COBL: variants seen among roughly 807,000 people sequenced by gnomAD.
COBL encodes cordon-bleu WH2 repeat protein.
Under a neutral mutation model 98.8 loss-of-function variants are expected in COBL, and 51 were observed. That is an observed-to-expected ratio of 0.52 (90% confidence interval 0.41 to 0.65). The LOEUF (loss-of-function observed/expected upper bound fraction) is 0.65, where lower values mean the gene tolerates loss of function less well. COBL is among the 30% of genes least tolerant of loss of function. The pLI is 0.00. For synonymous variants in COBL, 634 were observed against 651.7 expected (o/e 0.97, Z 0.41); for missense variants, 1,617 against 1,617.5 (o/e 1.00, Z 0.01).
At chr7:51,085,380 G>A in intron 6 of COBL, 76 bp from the exon 7 acceptor site, 2 of 1,401,720 alleles carry the variant, frequency 1.4e-6, no homozygotes, top group Non-Finnish European at 1.9e-6. Flanking sequence ...GTATTAGGGT[G>A]ATTGTGCTGG....
At chr7:51,195,601 T>C (rs1790518612) in intron 2 of COBL, among the ~76,000 whole-genome samples, 1 of 152,240 alleles carries the variant, frequency 6.6e-6, no homozygotes, top group Non-Finnish European at 1.5e-5. Flanking sequence ...TAAATTGCTT[T>C]GGGCAATATG....
intron 12 of COBL, 48 bp from the exon 13 acceptor site, chr7:51,017,616 G>C (rs1786399870): frequency 6.2e-7 from 1 of 1,602,016 alleles, no homozygotes; most frequent in Non-Finnish European, 8.6e-7. Flanking sequence ...AATAAGCCCA[G>C]GATGCAGATC....
intron 2 of COBL, among the ~76,000 whole-genome samples, chr7:51,214,503 A>C (rs904537896): frequency 2.0e-5 from 3 of 152,108 alleles, no homozygotes; most frequent in Non-Finnish European, 4.4e-5. Flanking sequence ...TGCTGACCAC[A>C]GTAACTGTGA....
Position 51,017,499 on chromosome 7 carries a change from GC to G in COBL, c.*51del. 1 of 1,592,022 alleles carries G rather than the reference GC, an allele frequency of 6.3e-7. No homozygotes were observed. Reference sequence around the variant, plus strand: ...TGGCTATGCAGACTCCTTGAGTGACGCCTGTGGGCATATTACAGGTGGGTTT... The same window carrying G: ...TGGCTATGCAGACTCCTTGAGTGACGCTGTGGGCATATTACAGGTGGGTTT... On this transcript the variant is annotated 3_prime_UTR_variant, in exon 13 of 13. Transcript: ENST00000265136.
chr7:51,096,816 T>C (rs781072303), intron 6 of COBL, among the ~76,000 whole-genome samples: 8 of 152,106 alleles, frequency 5.3e-5, no homozygotes, highest in Admixed American at 2.0e-4. Context: ...ATTCTGGACA[T>C]AACCTATAAG....
intron 7 of COBL, among the ~76,000 whole-genome samples, chr7:51,047,331 C>T (rs1789811315): frequency 2.0e-5 from 3 of 152,026 alleles, no homozygotes; most frequent in South Asian, 4.2e-4. Context: ...TTATATAATC[C>T]CATGGTTCAG....
chr7:51,151,654 C>A (rs770950548), intron 5 of COBL, among the ~76,000 whole-genome samples: 1 of 152,216 alleles, frequency 6.6e-6, no homozygotes, highest in Non-Finnish European at 1.5e-5. Context: ...TTACAGCTGG[C>A]CTGCATCAAA....
At chr7:51,019,968 C>T (rs1786762787) in intron 12 of COBL, among the ~76,000 whole-genome samples, 1 of 152,144 alleles carries the variant, frequency 6.6e-6, no homozygotes, top group African/African-American at 2.4e-5. Context: ...GTTACTGTCA[C>T]ATGTCTAATC....
At chr7:51,179,350 T>G (rs1788710512) in intron 5 of COBL, among the ~76,000 whole-genome samples, 1 of 151,932 alleles carries the variant, frequency 6.6e-6, no homozygotes, top group African/African-American at 2.4e-5. Flanking sequence ...AATTTTTGTA[T>G]TTTAGTATTT....
intron 7 of COBL, among the ~76,000 whole-genome samples, chr7:51,049,547 T>C (rs1442608464): frequency 6.6e-6 from 1 of 152,128 alleles, no homozygotes; most frequent in Non-Finnish European, 1.5e-5. Context: ...CACAATACAT[T>C]TCAGTCAATT....
intron 2 of COBL, among the ~76,000 whole-genome samples, chr7:51,213,142 G>A (rs999666600): frequency 1.6e-4 from 25 of 152,216 alleles, no homozygotes; most frequent in African/African-American, 5.8e-4. Flanking sequence ...GGATGAGGCA[G>A]ACTCTGGCAT....
At chr7:51,308,895 TAC>T (rs1482982459) in intron 1 of COBL, among the ~76,000 whole-genome samples, 2 of 152,198 alleles carry the variant, frequency 1.3e-5, no homozygotes, top group African/African-American at 4.8e-5. Context: ...CCTTTAAGAT[TAC>T]AGTCTAAACG....
chr7:51,054,591 G>A (rs539505231), intron 7 of COBL, among the ~76,000 whole-genome samples: 7 of 152,268 alleles, frequency 4.6e-5, no homozygotes, highest in Non-Finnish European at 8.8e-5. Context: ...ACTGCTGTGG[G>A]CCCCGTTCCT....
At chr7:51,029,656 C>A in intron 9 of COBL, 65 bp from the exon 10 acceptor site, 1 of 1,351,854 alleles carries the variant, frequency 7.4e-7, no homozygotes, top group Non-Finnish European at 1.0e-6. Flanking sequence ...GTAACTGCAG[C>A]CATGACTTTG....
chr7:51,088,585 C>T (rs1460610956), intron 6 of COBL, among the ~76,000 whole-genome samples: 1 of 152,194 alleles, frequency 6.6e-6, no homozygotes, highest in Non-Finnish European at 1.5e-5. Context: ...ATATGCATCG[C>T]ACTTTCCTCC....
chr7:51,171,601 C>T (rs1787881825), intron 5 of COBL, among the ~76,000 whole-genome samples: 1 of 151,900 alleles, frequency 6.6e-6, no homozygotes, highest in African/African-American at 2.4e-5. Context: ...ATTTACTTTC[C>T]ATGTTTAACA....
intron 8 of COBL, chr7:51,033,524 A>C (rs1333155192): frequency 6.6e-6 from 1 of 152,290 alleles, no homozygotes; most frequent in Non-Finnish European, 1.5e-5. Context: ...ACACACATAT[A>C]TAGAAACACT....
At chr7:51,257,075 T>G (rs983211058) in intron 1 of COBL, among the ~76,000 whole-genome samples, 9 of 152,160 alleles carry the variant, frequency 5.9e-5, no homozygotes, top group Non-Finnish European at 1.2e-4. Context: ...AGTAGCAAGA[T>G]GAGGCTCTGA....
chr7:51,108,990 GTTCCAC>G (rs1196435931), intron 6 of COBL, among the ~76,000 whole-genome samples: 1 of 148,836 alleles, frequency 6.7e-6, no homozygotes, highest in Non-Finnish European at 1.5e-5. Flanking sequence ...GAAAGAACTG[GTTCCAC>G]TTCAACTTCC....
Sources: gnomAD v4.1 joint callset for allele counts (sites outside exome capture counted in the v4.1 genomes callset) on GRCh38, gnomAD v4.1.1 for gene constraint, MANE v1.5 for transcripts, NCBI Gene and HGNC (gene_info 2026-07-23, HGNC 2026-07-21) for gene names.